The following GARRE1 variants were observed in gnomAD, a reference collection of about 807,000 sequenced individuals.
GARRE1 encodes the protein granule associated Rac and RHOG effector protein 1.
A neutral mutation model predicts 103.2 loss-of-function variants in GARRE1; 49 were observed. The observed-to-expected ratio is 0.47, with a 90% confidence interval of 0.38 to 0.60. GARRE1 has a LOEUF of 0.60. Among genes scored for constraint, GARRE1 ranks in the 20% least tolerant of loss-of-function variants. The pLI is 0.00. For missense variants in GARRE1, 1,199 were observed against 1,370.5 expected, an observed-to-expected ratio of 0.87 and a Z score of 1.98; for synonymous variants, 505 against 532.8, an observed-to-expected ratio of 0.95 and a Z score of 0.72.
Position 34,305,329 on chromosome 19 carries a change from A to G in GARRE1, c.495+4361A>G, listed in dbSNP as rs141274141. On this transcript the variant is annotated intron_variant, in intron 2 of 13. Coordinates refer to ENST00000299505, the MANE Select transcript of GARRE1 (RefSeq NM_014686.5). ...TAAAGAACCACGTTGTTCATCCACC[A>G]TTGTGCCTGGTCACTGCTTGATAGA... Among the ~76,000 whole-genome samples the G allele has an allele frequency of 2.0e-4, 31 of 152,214 alleles. 2 individuals are homozygous for G. In the East Asian group the frequency reaches 2.7e-3, roughly 13 times the overall value.
intron 1 of GARRE1, among the ~76,000 whole-genome samples, chr19:34,271,495 G>A (rs969815994): frequency 1.5e-4 from 23 of 151,880 alleles, no homozygotes; most frequent in African/African-American, 5.1e-4. Flanking sequence ...TCATCCACCC[G>A]CCTCGGCCTT....
chr19:34,281,982 C>T lies in GARRE1; in HGVS notation c.-795-17697C>T, dbSNP rs561208671. Among the ~76,000 whole-genome samples, 44 of 152,246 alleles carry T rather than the reference C, an allele frequency of 2.9e-4. 1 individual carries two copies. Among genetic ancestry groups the T allele is most frequent in the Admixed American group, 2.6e-3 (40 of 15,276 alleles). ...TTTGTTGGTTTTTGGTTTATTCTCC[C>T]ATGGCTTATTTTAAAAGCTACAAGC... On this transcript the variant is annotated intron_variant, in intron 1 of 13. Transcript: ENST00000299505.
intron 12 of GARRE1, among the ~76,000 whole-genome samples, chr19:34,350,299 C>T (rs1193742863): frequency 6.6e-6 from 1 of 152,134 alleles, no homozygotes; most frequent in Non-Finnish European, 1.5e-5. Flanking sequence ...GCCTGAGTTT[C>T]TGTGAAGGGC....
chr19:34,274,956 A>T (rs748580789), intron 1 of GARRE1, among the ~76,000 whole-genome samples: 63 of 152,330 alleles, frequency 4.1e-4, no homozygotes, highest in African/African-American at 1.4e-3. Flanking sequence ...TTGAGAATAA[A>T]ATTCTTCAAA....
rs749707163 is a variant in GARRE1, at chr19:34,351,547, G to A, written c.2859G>A (p.Thr953=). 6.2e-6 allele frequency: 10 copies of A among 1,613,884 alleles called. No homozygotes were observed. Among genetic ancestry groups the A allele is most frequent in the Admixed American group, 3.3e-5 (2 of 59,996 alleles). Residue 953 remains threonine, a synonymous_variant, in exon 13 of 14, where the codon ACG becomes ACA. Transcript: ENST00000299505. The stretch of plus-strand genomic sequence containing the variant: ...GCAGTGGAGAGCAAGACACCAGCAC[G>A]CTGCCCTCACCACCTCTCCTCACCA... ...KHSSGEQDTS[T]LPSPPLLTTV... is the part of the protein sequence containing the mutation.
At chr19:34,305,898 C>CT (rs2074005486) in intron 2 of GARRE1, among the ~76,000 whole-genome samples, 1 of 152,146 alleles carries the variant, frequency 6.6e-6, no homozygotes, top group Admixed American at 6.5e-5. Context: ...AGTCTGGAAA[C>CT]TAAGTATTTG....
chr19:34,307,759 A>C (rs921503800), intron 2 of GARRE1, among the ~76,000 whole-genome samples: 1 of 140,522 alleles, frequency 7.1e-6, no homozygotes, highest in Non-Finnish European at 1.5e-5. Flanking sequence ...ATATACATAT[A>C]TAGTATATAT....
At chr19:34,296,913 T>TCTA (rs1410796200) in intron 1 of GARRE1, among the ~76,000 whole-genome samples, 1 of 152,142 alleles carries the variant, frequency 6.6e-6, no homozygotes, top group East Asian at 1.9e-4. Context: ...TCTAAGTACC[T>TCTA]AGGACAGCAG....
At chr19:34,290,131 A>G (rs1176405531) in intron 1 of GARRE1, among the ~76,000 whole-genome samples, 1 of 152,180 alleles carries the variant, frequency 6.6e-6, no homozygotes, top group Non-Finnish European at 1.5e-5. Context: ...CTGAGGCAGG[A>G]GGATCGCTTG....
At chr19:34,330,614 C>A (rs939098466) in intron 7 of GARRE1, among the ~76,000 whole-genome samples, 1 of 151,994 alleles carries the variant, frequency 6.6e-6, no homozygotes, top group Non-Finnish European at 1.5e-5. Flanking sequence ...AAGAAAAAAA[C>A]CATTACAGTC....
intron 1 of GARRE1, among the ~76,000 whole-genome samples, chr19:34,294,681 A>AT (rs1217243287): frequency 6.6e-6 from 1 of 151,764 alleles, no homozygotes; most frequent in Non-Finnish European, 1.5e-5. Context: ...ATATCTTCCA[A>AT]TTTTTTGTTG....
chr19:34,305,905 T>G (rs2923788), intron 2 of GARRE1, among the ~76,000 whole-genome samples: 144,973 of 152,298 alleles, frequency 0.95, 69,708 homozygotes, highest in African/African-American at 0.99. Context: ...AAACTAAGTA[T>G]TTGGTGGGTT....
chr19:34,300,994 G>A, intron 2 of GARRE1, 26 bp downstream of exon 2: 1 of 1,574,914 alleles, frequency 6.3e-7, no homozygotes, highest in Admixed American at 1.7e-5. Context: ...TGTCATACTT[G>A]TGTAGGAAAA....
intron 1 of GARRE1, among the ~76,000 whole-genome samples, chr19:34,269,786 A>G (rs1031419844): frequency 2.6e-5 from 4 of 152,160 alleles, no homozygotes; most frequent in African/African-American, 9.7e-5. Context: ...TGGCCTCCTT[A>G]AAACCTTTTC....
At chr19:34,255,421 G>A (rs984703336) in intron 1 of GARRE1, among the ~76,000 whole-genome samples, 6 of 152,170 alleles carry the variant, frequency 3.9e-5, no homozygotes, top group Non-Finnish European at 5.9e-5. Context: ...TATAAAAGCA[G>A]TTAATTCTCC....
intron 1 of GARRE1, among the ~76,000 whole-genome samples, chr19:34,292,106 C>CG (rs1370233687): frequency 2.6e-5 from 4 of 152,152 alleles, no homozygotes; most frequent in Admixed American, 1.3e-4. Context: ...AAGTGATCTG[C>CG]CCCCCTTGGC....
intron 1 of GARRE1, among the ~76,000 whole-genome samples, chr19:34,259,637 G>A (rs2073702073): frequency 6.6e-6 from 1 of 152,112 alleles, no homozygotes; most frequent in South Asian, 2.1e-4. Flanking sequence ...AGAACACAGT[G>A]CGTGGAAATG....
intron 1 of GARRE1, among the ~76,000 whole-genome samples, chr19:34,267,029 C>T (rs1010455681): frequency 5.9e-5 from 9 of 151,968 alleles, no homozygotes; most frequent in South Asian, 2.1e-4. Context: ...TTTGAAGGGC[C>T]GAGGCGGGAG....
intron 1 of GARRE1, among the ~76,000 whole-genome samples, chr19:34,279,375 G>T (rs968324492): frequency 6.6e-6 from 1 of 151,750 alleles, no homozygotes; most frequent in Non-Finnish European, 1.5e-5. Flanking sequence ...TTGCGATCTC[G>T]GCTCACTGCA....
Sources: gnomAD v4.1 joint callset for allele counts (sites outside exome capture counted in the v4.1 genomes callset) on GRCh38, gnomAD v4.1.1 for gene constraint, MANE v1.5 for transcripts, NCBI Gene and HGNC (gene_info 2026-07-23, HGNC 2026-07-21) for gene names.